SC5D: variants seen among roughly 807,000 people sequenced by gnomAD.
SC5D encodes lathosterol oxidase.
SC5D carries 21 observed loss-of-function variants against 23.9 expected under a neutral mutation model. That is an observed-to-expected ratio of 0.88 (90% CI 0.62 to 1.26). The LOEUF (loss-of-function observed/expected upper bound fraction) is 1.26, where lower values mean the gene tolerates loss of function less well. Among genes scored for constraint, SC5D ranks in the 50% most tolerant of loss-of-function variants. The pLI is 0.00. For missense variants in SC5D, 309 were observed against 364.8 expected, an observed-to-expected ratio of 0.85 and a Z score of 1.25; for synonymous variants, 113 against 125.9, an observed-to-expected ratio of 0.90 and a Z score of 0.68.
rs1948015523 is a variant in SC5D, at chr11:121,312,124, T to C, written c.*4612T>C. The stretch of plus-strand genomic sequence containing the variant: ...TATATTGCTAAAACCATAAGGCCAG[T>C]CTACAAGGTTTGTAGATAAAATAGA... On this transcript the variant is annotated 3_prime_UTR_variant, in exon 5 of 5. Coordinates refer to ENST00000264027, the MANE Select transcript of SC5D (RefSeq NM_006918.5). Among the ~76,000 whole-genome samples the C allele has an allele frequency of 6.6e-6, 1 of 152,158 alleles. No individual in the cohort carries two copies.
intron 1 of SC5D, among the ~76,000 whole-genome samples, chr11:121,302,503 T>G (rs1020205331): frequency 6.6e-6 from 1 of 152,304 alleles, no homozygotes; most frequent in Middle Eastern, 3.4e-3. Context: ...TGACTAATGT[T>G]TTTTAGAGTT....
intron 1 of SC5D, among the ~76,000 whole-genome samples, chr11:121,294,881 T>C (rs534101013): frequency 6.6e-6 from 1 of 152,248 alleles, no homozygotes; most frequent in Non-Finnish European, 1.5e-5. Context: ...CCTTTAGTGA[T>C]ATAGCAATAT....
chr11:121,307,676 G>A lies in SC5D; in HGVS notation c.*164G>A. Reference sequence around the variant, plus strand: ...CTGCTGAGGAATGATCCTAGTGGTAGGTCAGAAGAAGATGCTGTGAACACC... The same window carrying A: ...CTGCTGAGGAATGATCCTAGTGGTAAGTCAGAAGAAGATGCTGTGAACACC... On this transcript the variant is annotated 3_prime_UTR_variant, in exon 5 of 5. Coordinates refer to ENST00000264027, the MANE Select transcript of SC5D (RefSeq NM_006918.5). 1 of 581,466 alleles carries A rather than the reference G, an allele frequency of 1.7e-6. No individual in the cohort carries two copies. Among genetic ancestry groups the A allele is most frequent in the East Asian group, 2.9e-5 (1 of 34,820 alleles). 36.0% of individuals were successfully genotyped at this position (581,466 alleles called of 1,614,324 possible).
chr11:121,306,877 A>G (rs1258551403), intron 4 of SC5D, 180 bp from the exon 5 acceptor site: 1 of 685,532 alleles, frequency 1.5e-6, no homozygotes, highest in Admixed American at 2.1e-5. Flanking sequence ...CTGCACTTGT[A>G]CTCATAAATC....
At chr11:121,302,143 A>C (rs1442586452) in intron 1 of SC5D, among the ~76,000 whole-genome samples, 1 of 152,254 alleles carries the variant, frequency 6.6e-6, no homozygotes, top group African/African-American at 2.4e-5. Flanking sequence ...TAGGCTACAA[A>C]GAAGTAAATA....
intron 1 of SC5D, among the ~76,000 whole-genome samples, chr11:121,300,852 G>A (rs928700451): frequency 6.6e-6 from 1 of 152,104 alleles, no homozygotes; most frequent in Non-Finnish European, 1.5e-5. Context: ...AAAGGCTGGG[G>A]GACTTAACTG....
At position 121,311,121 on chromosome 11, in the gene SC5D, T is replaced by C. The variant is rs1260401543; in HGVS notation, c.*3609T>C. On this transcript the variant is annotated 3_prime_UTR_variant, in exon 5 of 5. Transcript: ENST00000264027. ...CTTGGAAGTAGAGACCGTGTCTGAA[T>C]CATCATTGTATTAAACCACTCATCC... is the stretch of plus-strand genomic sequence containing the variant. Among the ~76,000 whole-genome samples the C allele has an allele frequency of 2.6e-5, 4 of 152,234 alleles. No homozygotes were observed. The highest frequency in any genetic ancestry group is 5.9e-5 in the Non-Finnish European group (4 of 68,042).
At position 121,308,928 on chromosome 11, in the gene SC5D, A is replaced by T. The variant is rs1947988767; in HGVS notation, c.*1416A>T. On this transcript the variant is annotated 3_prime_UTR_variant, in exon 5 of 5. Transcript: ENST00000264027. ...GTCATCTTATTTAAATGTACCAATT[A>T]GCATTTTGTAATAGGCAAATGTCAT... Among the ~76,000 whole-genome samples, 1 of 152,270 alleles carries T rather than the reference A, an allele frequency of 6.6e-6. No homozygotes were observed. The highest frequency in any genetic ancestry group is 2.4e-5 in the African/African-American group (1 of 41,476).
Position 121,307,560 on chromosome 11 carries a change from C to T in SC5D, c.*48C>T, listed in dbSNP as rs574865551. The stretch of plus-strand genomic sequence containing the variant: ...GTAAGGACAAAGAAGGAAATATCAT[C>T]GTATTTCTTTTTTTTAATAAGGAAA... On this transcript the variant is annotated 3_prime_UTR_variant, in exon 5 of 5. Coordinates refer to ENST00000264027, the MANE Select transcript of SC5D (RefSeq NM_006918.5). 2.7e-5 allele frequency: 34 copies of T among 1,278,778 alleles called. No individual in the cohort carries two copies. Among genetic ancestry groups the T allele is most frequent in the Non-Finnish European group, 3.7e-5 (34 of 917,480 alleles). 79.2% of individuals were successfully genotyped at this position (1,278,778 alleles called of 1,614,324 possible). A position where few individuals can be genotyped will look rare whatever the true frequency, so the allele number is the denominator to read the frequency against.
chr11:121,297,319 T>C (rs550869862), intron 1 of SC5D, among the ~76,000 whole-genome samples: 3 of 152,386 alleles, frequency 2.0e-5, no homozygotes, highest in African/African-American at 7.2e-5. Flanking sequence ...TATCTAGATA[T>C]GTGTTAAGTA....
chr11:121,308,748 A>G lies in SC5D; in HGVS notation c.*1236A>G, dbSNP rs756548695. Reference sequence around the variant, plus strand: ...ATTGTGTTTTAGAACATCCCCGGACACTCAGTGTCACAGGGGGAAAGAAGT... The same window carrying G: ...ATTGTGTTTTAGAACATCCCCGGACGCTCAGTGTCACAGGGGGAAAGAAGT... On this transcript the variant is annotated 3_prime_UTR_variant, in exon 5 of 5. Transcript: ENST00000264027. The G allele has an allele frequency of 6.6e-6, 1 of 152,628 alleles. No homozygotes were observed. Among genetic ancestry groups the G allele is most frequent in the Non-Finnish European group, 1.5e-5 (1 of 68,032 alleles). 9.5% of individuals were successfully genotyped at this position (152,628 alleles called of 1,614,324 possible).
Position 121,303,994 on chromosome 11 carries a change from A to T in SC5D, c.211-367A>T, listed in dbSNP as rs1045673492. The stretch of plus-strand genomic sequence containing the variant: ...TTAAAGTTGTTTACAATCATTTTTA[A>T]ATTTCGGTTGTTTGTACTTGTCAGT... On this transcript the variant is annotated intron_variant, in intron 2 of 4. Transcript: ENST00000264027. The T allele has an allele frequency of 2.0e-5, 5 of 255,590 alleles. No individual in the cohort carries two copies. In the East Asian group the frequency reaches 5.3e-4, roughly 27 times the overall value. The allele number at this position is 255,590 out of a possible 1,614,324, so 15.8% of individuals were successfully genotyped here.
chr11:121,306,519 G>C (rs1330176079), intron 4 of SC5D, 33 bp downstream of exon 4: 3 of 1,039,038 alleles, frequency 2.9e-6, no homozygotes, highest in Non-Finnish European at 4.6e-6. Context: ...GAGAAAAAAG[G>C]TTACACATTT....
Position 121,307,552 on chromosome 11 carries a change from A to C in SC5D, c.*40A>C. 7.4e-7 allele frequency: 1 copy of C among 1,343,484 alleles called. No homozygotes were observed. The highest frequency in any genetic ancestry group is 2.0e-5 in the Admixed American group (1 of 49,608). The allele number at this position is 1,343,484 out of a possible 1,614,324, so 83.2% of individuals were successfully genotyped here. A position where few individuals can be genotyped will look rare whatever the true frequency, so the allele number is the denominator to read the frequency against. ...ATTCTTAAGTAAGGACAAAGAAGGA[A>C]ATATCATCGTATTTCTTTTTTTTAA... On this transcript the variant is annotated 3_prime_UTR_variant, in exon 5 of 5. Transcript: ENST00000264027.
At chr11:121,306,841 C>A in intron 4 of SC5D, 1 of 645,396 alleles carries the variant, frequency 1.5e-6, no homozygotes, top group Non-Finnish European at 2.8e-6. Flanking sequence ...GACTTCACCA[C>A]TGTGCAGTAT....
At chr11:121,305,422 A>C (rs1018671018) in intron 3 of SC5D, 1 of 151,858 alleles carries the variant, frequency 6.6e-6, no homozygotes, top group African/African-American at 2.4e-5. Flanking sequence ...CAGCACCCCC[A>C]CACTTTAAGT....
rs780427046 is a variant in SC5D at position 121,306,423 on chromosome 11, C to G, written c.381C>G (p.Leu127=). 2 of 1,588,746 alleles carry G rather than the reference C, an allele frequency of 1.3e-6. No individual in the cohort carries two copies. The highest frequency in any genetic ancestry group is 1.7e-6 in the Non-Finnish European group (2 of 1,156,980). ...FELVVSIISF[L]FFTDMFIYWI... is the part of the protein sequence containing the mutation. The stretch of plus-strand genomic sequence containing the variant: ...TTGTCGTTAGTATAATATCTTTCCT[C>G]TTTTTCACTGACATGTTCATCTACT... Residue 127 remains leucine, a synonymous_variant, in exon 4 of 5, where the codon CTC becomes CTG. Coordinates refer to ENST00000264027, the MANE Select transcript of SC5D (RefSeq NM_006918.5).
In SC5D at chr11:121,312,835, CAT is replaced by C. The variant is rs199751132; in HGVS notation, c.*5324_*5325del. On this transcript the variant is annotated 3_prime_UTR_variant, in exon 5 of 5. Coordinates refer to ENST00000264027, the MANE Select transcript of SC5D (RefSeq NM_006918.5). ...TTTAGATGTAAACTTGCCCCCCTGA[CAT>C]GTGGTATGAAACAAATAGAAACCTA... 1.0e-2 allele frequency among the ~76,000 whole-genome samples: 1,521 copies of C among 152,218 alleles called. 88 individuals carry two copies. The highest frequency in any genetic ancestry group is 0.09 in the Admixed American group (1,379 of 15,286).
intron 1 of SC5D, among the ~76,000 whole-genome samples, chr11:121,295,285 A>G (rs1947881189): frequency 1.3e-5 from 2 of 152,206 alleles, no homozygotes. Context: ...ATGAGACATC[A>G]ATCAATATGT....
Sources: allele counts gnomAD v4.1 joint callset (sites outside exome capture counted in the v4.1 genomes callset), GRCh38; gene constraint gnomAD v4.1.1; transcripts MANE v1.5; gene names NCBI Gene and HGNC (gene_info 2026-07-23, HGNC 2026-07-21).